Variants in ARHGEF28 observed in about 807,000 individuals in gnomAD.
ARHGEF28 encodes the protein 190 kDa guanine nucleotide exchange factor.
A neutral mutation model predicts 206.6 loss-of-function variants in ARHGEF28; 152 were observed. The observed-to-expected ratio is 0.74, with a 90% confidence interval of 0.64 to 0.84. The LOEUF (loss-of-function observed/expected upper bound fraction) is 0.84, where lower values mean the gene tolerates loss of function less well. Among genes scored for constraint, ARHGEF28 ranks in the 40% least tolerant of loss-of-function variants. The probability of loss-of-function intolerance (pLI) is 0.00; values close to 1 mark genes in which losing one functional copy is unlikely to be tolerated. For synonymous variants in ARHGEF28, 763 were observed against 776.4 expected, an observed-to-expected ratio of 0.98 and a Z score of 0.29; for missense variants, 2,028 against 2,073.2, an observed-to-expected ratio of 0.98 and a Z score of 0.42.
At chr5:73,682,675 G>A (rs374239191) in intron 1 of ARHGEF28, among the ~76,000 whole-genome samples, 2 of 152,244 alleles carry the variant, frequency 1.3e-5, no homozygotes, top group African/African-American at 4.8e-5. Context: ...GCCTCCCAAA[G>A]TGCTGGCATT....
At chr5:73,693,118 A>G (rs921626451) in intron 2 of ARHGEF28, among the ~76,000 whole-genome samples, 7 of 152,150 alleles carry the variant, frequency 4.6e-5, no homozygotes, top group African/African-American at 1.7e-4. Context: ...CTCTATTAGA[A>G]GTCATAAGAA....
At chr5:73,877,709 A>G (rs1453912919) in intron 22 of ARHGEF28, among the ~76,000 whole-genome samples, 1 of 151,046 alleles carries the variant, frequency 6.6e-6, no homozygotes, top group East Asian at 1.9e-4. Flanking sequence ...CAGGTTGTTC[A>G]GTTTCCATGT....
chr5:73,690,927 TG>T (rs1747785166), intron 2 of ARHGEF28, among the ~76,000 whole-genome samples: 3 of 152,110 alleles, frequency 2.0e-5, no homozygotes, highest in African/African-American at 7.2e-5. Flanking sequence ...GAAGATCAGT[TG>T]AAGTTCCACC....
At chr5:73,846,540 A>C in intron 12 of ARHGEF28, 65 bp downstream of exon 12, 1 of 1,462,886 alleles carries the variant, frequency 6.8e-7, no homozygotes, top group Non-Finnish European at 9.5e-7. Flanking sequence ...GCATTTACCC[A>C]TCTGTATCTG....
At chr5:73,912,877 G>GT (rs1430935953) in intron 35 of ARHGEF28, among the ~76,000 whole-genome samples, 11 of 152,290 alleles carry the variant, frequency 7.2e-5, no homozygotes, top group African/African-American at 2.6e-4. Context: ...GCTTCATGTG[G>GT]TTTTGTCAGC....
chr5:73,759,429 C>T (rs1474383639), intron 4 of ARHGEF28, among the ~76,000 whole-genome samples: 7 of 152,136 alleles, frequency 4.6e-5, no homozygotes, highest in South Asian at 2.1e-4. Flanking sequence ...GTTAGTATAA[C>T]GCTCTGCTCT....
At chr5:73,735,578 G>T (rs1000401421) in intron 2 of ARHGEF28, among the ~76,000 whole-genome samples, 1 of 152,082 alleles carries the variant, frequency 6.6e-6, no homozygotes, top group Admixed American at 6.6e-5. Context: ...AGAGCAGCAG[G>T]GTACTGAGAA....
At chr5:73,802,719 A>G (rs940989118) in intron 9 of ARHGEF28, among the ~76,000 whole-genome samples, 27 of 152,170 alleles carry the variant, frequency 1.8e-4, no homozygotes, top group African/African-American at 6.5e-4. Flanking sequence ...GGTATCTATA[A>G]AGTTTGTTTT....
intron 1 of ARHGEF28, among the ~76,000 whole-genome samples, chr5:73,647,050 A>G (rs565023458): frequency 1.3e-5 from 2 of 152,198 alleles, no homozygotes; most frequent in Non-Finnish European, 2.9e-5. Context: ...CATTGTATAT[A>G]CAGGTTGAGC....
In ARHGEF28 at chr5:73,773,722, T is replaced by C. The variant is rs541075699; in HGVS notation, c.476-133T>C. 5.4e-6 allele frequency: 5 copies of C among 929,564 alleles called. 1 individual carries two copies. Among genetic ancestry groups the C allele is most frequent in the African/African-American group, 5.0e-5 (3 of 59,684 alleles). 57.6% of individuals were successfully genotyped at this position (929,564 alleles called of 1,614,324 possible). A position where few individuals can be genotyped will look rare whatever the true frequency, so the allele number is the denominator to read the frequency against. ...AAATTTGTAAAATGAGATACAGTGA[T>C]TGGGTGCCATTGTTAATTTCTTCCA... On this transcript the variant is annotated intron_variant, in intron 4 of 35. Coordinates refer to ENST00000513042, the MANE Select transcript of ARHGEF28 (RefSeq NM_001177693.2).
intron 33 of ARHGEF28, chr5:73,904,628 T>C (rs1762450954): frequency 5.7e-6 from 3 of 527,808 alleles, no homozygotes; most frequent in South Asian, 3.4e-5. Context: ...CATAAAACAG[T>C]TCATATCTTT....
chr5:73,631,858 A>T (rs1029987246), intron 1 of ARHGEF28, among the ~76,000 whole-genome samples: 1 of 152,154 alleles, frequency 6.6e-6, no homozygotes, highest in Non-Finnish European at 1.5e-5. Flanking sequence ...AGCCCAGCTT[A>T]AACCACTTTC....
chr5:73,764,969 T>C (rs1280236248), intron 4 of ARHGEF28, among the ~76,000 whole-genome samples: 1 of 152,236 alleles, frequency 6.6e-6, no homozygotes, highest in Non-Finnish European at 1.5e-5. Context: ...TTCTCTCTTC[T>C]ACTCTCTATG....
At chr5:73,873,729 G>C (rs1412974749) in intron 22 of ARHGEF28, among the ~76,000 whole-genome samples, 1 of 152,200 alleles carries the variant, frequency 6.6e-6, no homozygotes, top group Non-Finnish European at 1.5e-5. Context: ...GTTATGCTGA[G>C]TGGTATTCCA....
At chr5:73,873,363 C>T (rs1358993154) in intron 22 of ARHGEF28, 117 bp downstream of exon 22, 12 of 1,311,322 alleles carry the variant, frequency 9.2e-6, no homozygotes, top group African/African-American at 1.5e-5. Flanking sequence ...TAGTGACATT[C>T]TGAGGATGTG....
chr5:73,814,488 G>T (rs1323904041), intron 9 of ARHGEF28, among the ~76,000 whole-genome samples: 2 of 152,158 alleles, frequency 1.3e-5, no homozygotes, highest in African/African-American at 4.8e-5. Flanking sequence ...GGCTTAGCTG[G>T]CAGTGATTGT....
chr5:73,663,799 G>A (rs1323466472), intron 1 of ARHGEF28, among the ~76,000 whole-genome samples: 1 of 151,968 alleles, frequency 6.6e-6, no homozygotes, highest in Non-Finnish European at 1.5e-5. Flanking sequence ...GTTCTTTTTT[G>A]TTTTAACTTT....
In ARHGEF28 at chr5:73,909,425, T is replaced by C. The variant is rs1030491920; in HGVS notation, c.4175T>C (p.Ile1392Thr). ...LLYSLQAALT[I>T]QDSHIEIHRL... ...CTGCTCTGACAGGCCGCCTTGACCA[T>C]TCAGGACAGCCACATTGAGATCCAC... Residue 1392 changes from isoleucine to threonine, a missense_variant, in exon 34 of 36, where the codon ATT becomes ACT. Ile to Thr is a moderately conservative substitution (Grantham distance 89). This residue lies in a region of ARHGEF28 where 803 missense variants were observed against 768.0 expected (regional missense o/e 1.05). Coordinates refer to ENST00000513042, the MANE Select transcript of ARHGEF28 (RefSeq NM_001177693.2). 1.2e-6 allele frequency: 2 copies of C among 1,607,356 alleles called. No homozygotes were observed. Among genetic ancestry groups the C allele is most frequent in the African/African-American group, 1.3e-5 (1 of 74,832 alleles).
intron 1 of ARHGEF28, among the ~76,000 whole-genome samples, chr5:73,666,398 C>T (rs1424784479): frequency 6.6e-6 from 1 of 152,186 alleles, no homozygotes. Flanking sequence ...GTTCTGGGGT[C>T]TCAGGCGTTG....
Sources: gnomAD v4.1 joint callset for allele counts (sites outside exome capture counted in the v4.1 genomes callset) on GRCh38, gnomAD v4.1.1 for gene constraint, gnomAD v4.1.1 regional missense constraint, MANE v1.5 for transcripts, NCBI Gene and HGNC (gene_info 2026-07-23, HGNC 2026-07-21) for gene names.